ARMC3: variants seen among roughly 807,000 people sequenced by gnomAD.
ARMC3 encodes the protein armadillo repeat-containing protein 3.
Under a neutral mutation model 90.3 loss-of-function variants are expected in ARMC3, and 74 were observed. The observed-to-expected ratio is 0.82, with a 90% confidence interval of 0.68 to 0.99. ARMC3 has a LOEUF of 0.99. ARMC3 is among the 50% of genes least tolerant of loss of function. The pLI, the probability that ARMC3 is intolerant of heterozygous loss-of-function variation, is 0.00. For synonymous variants in ARMC3, 334 were observed against 361.8 expected, an observed-to-expected ratio of 0.92 and a Z score of 0.87; for missense variants, 958 against 1,042.8, an observed-to-expected ratio of 0.92 and a Z score of 1.12.
intron 8 of ARMC3, among the ~76,000 whole-genome samples, chr10:22,973,240 A>G (rs1835751399): frequency 6.6e-6 from 1 of 151,500 alleles, no homozygotes; most frequent in Non-Finnish European, 1.5e-5. Context: ...TTGAGGCTGC[A>G]GTGAGATGTG....
intron 3 of ARMC3, among the ~76,000 whole-genome samples, chr10:22,950,608 T>C (rs1020274393): frequency 5.9e-5 from 9 of 152,066 alleles, no homozygotes; most frequent in African/African-American, 1.4e-4. Flanking sequence ...AAAAACGAGA[T>C]GGTGGATTTA....
At chr10:22,954,596 G>A (rs1424596991) in intron 3 of ARMC3, among the ~76,000 whole-genome samples, 3 of 150,320 alleles carry the variant, frequency 2.0e-5, no homozygotes, top group Non-Finnish European at 4.4e-5. Flanking sequence ...CGCTTGAGCC[G>A]AGGAGGTCGA....
chr10:22,934,383 C>A (rs1834039153), intron 2 of ARMC3, among the ~76,000 whole-genome samples: 1 of 152,140 alleles, frequency 6.6e-6, no homozygotes, highest in Non-Finnish European at 1.5e-5. Flanking sequence ...AAGAAGATGC[C>A]TACATATGGA....
chr10:23,022,221 T>A lies in ARMC3; in HGVS notation c.2046-8375T>A, dbSNP rs774574092. Among the ~76,000 whole-genome samples, 13 of 152,344 alleles carry A rather than the reference T, an allele frequency of 8.5e-5. No homozygotes were observed. The East Asian group carries it at 1.5e-3, about 18-fold the overall frequency. On this transcript the variant is annotated intron_variant, in intron 16 of 18. Coordinates refer to ENST00000298032, the MANE Select transcript of ARMC3 (RefSeq NM_173081.5). ...ATTTTGAGTTAATTTTTACATACAA[T>A]GTGAGGCTTATGTGGAAATTTACTT...
intron 10 of ARMC3, 24 bp from the exon 11 acceptor site, chr10:22,998,124 T>C: frequency 6.2e-7 from 1 of 1,607,770 alleles, no homozygotes. Flanking sequence ...ATGAATCACA[T>C]TCATTTCTCT....
rs1386247012 is a variant in ARMC3, at chr10:23,027,429, G to A, written c.2046-3167G>A. On this transcript the variant is annotated intron_variant, in intron 16 of 18. Coordinates refer to ENST00000298032, the MANE Select transcript of ARMC3 (RefSeq NM_173081.5). ...AGTTTTTTGGTTTTAATTTTGATTT[G>A]CACATGTTCCTTGTTACTTACTATA... Among the ~76,000 whole-genome samples, 3 of 152,236 alleles carry A rather than the reference G, an allele frequency of 2.0e-5. No homozygotes were observed. The East Asian group carries it at 5.8e-4, about 29-fold the overall frequency.
intron 16 of ARMC3, among the ~76,000 whole-genome samples, chr10:23,016,362 A>G (rs1010133407): frequency 1.3e-5 from 2 of 152,230 alleles, no homozygotes; most frequent in African/African-American, 4.8e-5. Flanking sequence ...GAAAATGTCA[A>G]TAAGCGATTT....
intron 2 of ARMC3, among the ~76,000 whole-genome samples, chr10:22,943,113 C>T (rs1029086505): frequency 3.9e-5 from 6 of 152,010 alleles, no homozygotes; most frequent in Non-Finnish European, 7.4e-5. Flanking sequence ...TGTTCTATAC[C>T]TTAGTTGGAG....
intron 8 of ARMC3, among the ~76,000 whole-genome samples, chr10:22,979,768 G>GT (rs1461530398): frequency 2.6e-5 from 4 of 152,108 alleles, no homozygotes; most frequent in African/African-American, 9.7e-5. Context: ...ATTAACTGAA[G>GT]CTTTTTTATG....
intron 18 of ARMC3, among the ~76,000 whole-genome samples, chr10:23,033,541 A>C (rs1588946262): frequency 6.6e-6 from 1 of 152,232 alleles, no homozygotes; most frequent in Non-Finnish European, 1.5e-5. Flanking sequence ...TCAGTGATCT[A>C]TCTGAGGAAG....
chr10:22,961,746 G>A, intron 6 of ARMC3, 138 bp from the exon 7 acceptor site: 1 of 656,026 alleles, frequency 1.5e-6, no homozygotes, highest in Non-Finnish European at 2.5e-6. Flanking sequence ...CTTATTTTTT[G>A]AGTTATTTTG....
chr10:22,977,798 G>A (rs892332846), intron 8 of ARMC3, among the ~76,000 whole-genome samples: 15 of 152,166 alleles, frequency 9.9e-5, no homozygotes, highest in Non-Finnish European at 1.9e-4. Flanking sequence ...ATGATTCCAC[G>A]AAGATTCAAA....
At chr10:22,994,720 T>C (rs1237427894) in intron 10 of ARMC3, among the ~76,000 whole-genome samples, 1 of 152,162 alleles carries the variant, frequency 6.6e-6, no homozygotes, top group African/African-American at 2.4e-5. Flanking sequence ...AGATTATTTA[T>C]ATCAACCCAC....
chr10:22,990,436 T>C (rs145445585), intron 10 of ARMC3, among the ~76,000 whole-genome samples: 203 of 152,324 alleles, frequency 1.3e-3, no homozygotes, highest in Middle Eastern at 6.8e-3. Flanking sequence ...TTTTACAATA[T>C]GATCTTACGT....
At chr10:23,014,838 A>G (rs1044634612) in intron 16 of ARMC3, among the ~76,000 whole-genome samples, 1 of 151,236 alleles carries the variant, frequency 6.6e-6, no homozygotes, top group African/African-American at 2.4e-5. Context: ...GGATTAGGAA[A>G]AATAATGAAT....
intron 2 of ARMC3, among the ~76,000 whole-genome samples, chr10:22,937,020 A>G (rs1043327321): frequency 6.6e-6 from 1 of 151,988 alleles, no homozygotes; most frequent in Non-Finnish European, 1.5e-5. Context: ...CTCCCTACTC[A>G]GCCTCTTGAG....
Position 23,028,982 on chromosome 10 carries a change from C to G in ARMC3, c.2046-1614C>G, listed in dbSNP as rs1040681690. Among the ~76,000 whole-genome samples, 6 of 152,266 alleles carry G rather than the reference C, an allele frequency of 3.9e-5. No individual in the cohort carries two copies. In the South Asian group the frequency reaches 1.2e-3, roughly 32 times the overall value. On this transcript the variant is annotated intron_variant, in intron 16 of 18. Coordinates refer to ENST00000298032, the MANE Select transcript of ARMC3 (RefSeq NM_173081.5). Reference sequence around the variant, plus strand: ...ACTTTATTTACCTTGATCTACTGCACTCTTGACATGACTGCACCCATATCT... The same window carrying G: ...ACTTTATTTACCTTGATCTACTGCAGTCTTGACATGACTGCACCCATATCT...
At chr10:23,008,018 C>T (rs746759600) in intron 14 of ARMC3, among the ~76,000 whole-genome samples, 8 of 152,056 alleles carry the variant, frequency 5.3e-5, no homozygotes, top group African/African-American at 1.9e-4. Flanking sequence ...GTGGGAGGAT[C>T]GCTTGAGCCC....
chr10:23,020,114 T>TTTTTG (rs964385176), intron 16 of ARMC3, among the ~76,000 whole-genome samples: 45 of 152,040 alleles, frequency 3.0e-4, no homozygotes, highest in African/African-American at 8.2e-4. Flanking sequence ...TGAATGTAAG[T>TTTTTG]TTTTGTTTTG....
Sources: gnomAD v4.1 joint callset for allele counts (sites outside exome capture counted in the v4.1 genomes callset) on GRCh38, gnomAD v4.1.1 for gene constraint, MANE v1.5 for transcripts, NCBI Gene and HGNC (gene_info 2026-07-23, HGNC 2026-07-21) for gene names.